DISC1: variants seen among roughly 807,000 people sequenced by gnomAD.
DISC1 encodes disrupted in schizophrenia 1 protein.
In DISC1, 57 loss-of-function variants were observed where a neutral mutation model predicts 84.5. That is an observed-to-expected ratio of 0.67 (90% CI 0.55 to 0.84). DISC1 has a LOEUF of 0.84. Ranked by LOEUF, DISC1 falls within the 40% of genes least tolerant of loss-of-function variation. The probability of loss-of-function intolerance (pLI) is 0.00; values close to 1 mark genes in which losing one functional copy is unlikely to be tolerated. For missense variants in DISC1, 1,000 were observed against 1,057.8 expected, an observed-to-expected ratio of 0.95 and a Z score of 0.76; for synonymous variants, 411 against 415.2, an observed-to-expected ratio of 0.99 and a Z score of 0.12.
chr1:231,646,391 T>C (rs2060136347), intron 1 of DISC1, among the ~76,000 whole-genome samples: 1 of 152,114 alleles, frequency 6.6e-6, no homozygotes. Context: ...ATTTTCTTAA[T>C]CCAGTCTATC....
At chr1:231,762,695 G>A (rs533720958) in intron 4 of DISC1, among the ~76,000 whole-genome samples, 26 of 151,974 alleles carry the variant, frequency 1.7e-4, no homozygotes, top group African/African-American at 6.3e-4. Flanking sequence ...TGAGTACAGT[G>A]TTCATTTTCC....
chr1:231,886,906 G>C lies in DISC1; in HGVS notation c.1981+68389G>C, dbSNP rs532534276. On this transcript the variant is annotated intron_variant, in intron 9 of 12. Coordinates refer to ENST00000439617, the MANE Select transcript of DISC1 (RefSeq NM_018662.3). ...AAATGGAGTCTTGCTCTATCACCTA[G>C]GCTGGAGTGCAGTGGCGCCATCTCA... Among the ~76,000 whole-genome samples the C allele has an allele frequency of 4.2e-5, 6 of 142,998 alleles. No homozygotes were observed. The South Asian group carries it at 9.1e-4, about 22-fold the overall frequency. 93.8% of individuals were successfully genotyped at this position (142,998 alleles called of 152,430 possible). A position where few individuals can be genotyped will look rare whatever the true frequency, so the allele number is the denominator to read the frequency against.
intron 9 of DISC1, among the ~76,000 whole-genome samples, chr1:231,920,307 G>A (rs1490827054): frequency 6.6e-6 from 1 of 152,142 alleles, no homozygotes; most frequent in Admixed American, 6.5e-5. Flanking sequence ...ATTTGTAAGT[G>A]GTCAGTGTCA....
At chr1:231,927,140 CT>C (rs975349622) in intron 9 of DISC1, among the ~76,000 whole-genome samples, 8 of 152,144 alleles carry the variant, frequency 5.3e-5, no homozygotes, top group Admixed American at 5.2e-4. Context: ...AGGCGAATCC[CT>C]TTTTCTTTGA....
intron 3 of DISC1, chr1:231,723,613 C>T (rs1242975499): frequency 1.0e-6 from 1 of 985,318 alleles, no homozygotes; most frequent in Non-Finnish European, 1.2e-6. Flanking sequence ...CCTATTCTGT[C>T]TTATAACAGT....
intron 9 of DISC1, among the ~76,000 whole-genome samples, chr1:231,824,004 G>A (rs1402203118): frequency 6.6e-6 from 1 of 152,190 alleles, no homozygotes; most frequent in Non-Finnish European, 1.5e-5. Flanking sequence ...GCTTGGGCTA[G>A]TGAAGTTTAA....
At chr1:231,642,096 G>A (rs2059753445) in intron 1 of DISC1, among the ~76,000 whole-genome samples, 1 of 152,330 alleles carries the variant, frequency 6.6e-6, no homozygotes, top group East Asian at 1.9e-4. Context: ...CCTGCCCCGC[G>A]GGAAGGCAGC....
intron 4 of DISC1, among the ~76,000 whole-genome samples, chr1:231,756,315 A>G (rs2075106255): frequency 6.6e-6 from 1 of 152,164 alleles, no homozygotes; most frequent in Non-Finnish European, 1.5e-5. Context: ...GGTCTTAAAT[A>G]CATCTGTTTT....
chr1:231,935,938 G>A (rs821579), intron 9 of DISC1, among the ~76,000 whole-genome samples: 6,591 of 152,190 alleles, frequency 0.043, 479 homozygotes, highest in African/African-American at 0.15. Flanking sequence ...TTTTTACTGC[G>A]TCCTCCTCTC....
At chr1:231,820,528 A>C (rs2081412236) in intron 9 of DISC1, among the ~76,000 whole-genome samples, 1 of 152,218 alleles carries the variant, frequency 6.6e-6, no homozygotes, top group Non-Finnish European at 1.5e-5. Flanking sequence ...TTCCAACAAT[A>C]GTTGTGGAAT....
At chr1:231,767,381 C>A in intron 5 of DISC1, 112 bp downstream of exon 5, 1 of 1,440,520 alleles carries the variant, frequency 6.9e-7, no homozygotes, top group Non-Finnish European at 9.4e-7. Flanking sequence ...TAGCTCATTG[C>A]AGCCTTGAGC....
At chr1:231,911,538 G>A (rs927845315) in intron 9 of DISC1, among the ~76,000 whole-genome samples, 1 of 152,168 alleles carries the variant, frequency 6.6e-6, no homozygotes, top group African/African-American at 2.4e-5. Flanking sequence ...TCTGTCGAAC[G>A]ATCCACTGTT....
chr1:231,854,147 G>T (rs1372076334), intron 9 of DISC1, among the ~76,000 whole-genome samples: 1 of 152,030 alleles, frequency 6.6e-6, no homozygotes, highest in Non-Finnish European at 1.5e-5. Context: ...CTTCTGCTGG[G>T]GCTTTGTTGT....
intron 1 of DISC1, among the ~76,000 whole-genome samples, chr1:231,647,031 GTAGTTTCTGTTGCTGTGCAGAAGCTCTT>G (rs1388906700): frequency 1.3e-5 from 2 of 152,112 alleles, no homozygotes; most frequent in African/African-American, 2.4e-5. Context: ...CACTCTGATG[GTAGTTTCTGTTGCTGTGCAGAAGCTCTT>G]TAGTTTAATT....
At chr1:231,883,504 C>A (rs1000478731) in intron 9 of DISC1, among the ~76,000 whole-genome samples, 10 of 152,010 alleles carry the variant, frequency 6.6e-5, no homozygotes, top group African/African-American at 2.4e-4. Context: ...CATCGAGTTG[C>A]CAGGTGCTGG....
chr1:231,641,781 A>C (rs1445946462), intron 1 of DISC1, among the ~76,000 whole-genome samples: 2 of 152,336 alleles, frequency 1.3e-5, no homozygotes, highest in African/African-American at 4.8e-5. Flanking sequence ...GTGCATTCAC[A>C]AACCCTGAGT....
intron 3 of DISC1, among the ~76,000 whole-genome samples, chr1:231,712,251 A>G (rs1028443887): frequency 1.3e-5 from 2 of 152,218 alleles, no homozygotes; most frequent in African/African-American, 2.4e-5. Context: ...TTCTAAAACT[A>G]TGAGAGAATA....
At chr1:231,696,581 T>C (rs1043213971) in intron 2 of DISC1, among the ~76,000 whole-genome samples, 2 of 152,240 alleles carry the variant, frequency 1.3e-5, no homozygotes, top group African/African-American at 4.8e-5. Flanking sequence ...ATTACACTCA[T>C]GTACTGCATA....
chr1:232,023,097 TA>T (rs1362368998), intron 11 of DISC1, among the ~76,000 whole-genome samples: 1 of 86,136 alleles, frequency 1.2e-5, no homozygotes, highest in African/African-American at 3.5e-5. Context: ...GGGTTTTTGA[TA>T]ACTTTTTTTC....
Sources: gnomAD v4.1 joint callset for allele counts (sites outside exome capture counted in the v4.1 genomes callset) on GRCh38, gnomAD v4.1.1 for gene constraint, MANE v1.5 for transcripts, NCBI Gene and HGNC (gene_info 2026-07-23, HGNC 2026-07-21) for gene names.